FAF1: variants seen among roughly 807,000 people sequenced by gnomAD.
FAF1 encodes the protein Fas associated factor 1, also known as FAS-associated factor 1.
Under a neutral mutation model 92.5 loss-of-function variants are expected in FAF1, and 25 were observed. That is an observed-to-expected ratio of 0.27 (90% CI 0.20 to 0.38). The LOEUF is 0.38. Ranked by LOEUF, FAF1 falls within the 10% of genes least tolerant of loss-of-function variation. The pLI, the probability that FAF1 is intolerant of heterozygous loss-of-function variation, is 1.00. For synonymous variants in FAF1, 234 were observed against 273.2 expected (o/e 0.86, Z 1.42); for missense variants, 636 against 793.3 (o/e 0.80, Z 2.38).
intron 3 of FAF1, among the ~76,000 whole-genome samples, chr1:50,797,594 G>C (rs549478468): frequency 7.2e-5 from 11 of 152,136 alleles, no homozygotes; most frequent in Non-Finnish European, 1.2e-4. Context: ...AGCTACTCAG[G>C]GGGCTGAGGT....
chr1:50,465,100 T>C (rs1646478349), intron 18 of FAF1, among the ~76,000 whole-genome samples: 1 of 152,110 alleles, frequency 6.6e-6, no homozygotes, highest in South Asian at 2.1e-4. Context: ...CAGTGAGATA[T>C]AACAGAAAGA....
At chr1:50,701,378 T>C (rs1449586859) in intron 7 of FAF1, among the ~76,000 whole-genome samples, 1 of 148,974 alleles carries the variant, frequency 6.7e-6, no homozygotes, top group Non-Finnish European at 1.5e-5. Context: ...ACCCTCCCCA[T>C]ACTGGAAAAC....
intron 7 of FAF1, among the ~76,000 whole-genome samples, chr1:50,697,878 A>C (rs1420500434): frequency 6.6e-6 from 1 of 152,186 alleles, no homozygotes; most frequent in Non-Finnish European, 1.5e-5. Flanking sequence ...AGGATTTTTT[A>C]AAAGAATATT....
chr1:50,448,899 C>T (rs1646259901), intron 18 of FAF1, among the ~76,000 whole-genome samples: 1 of 146,012 alleles, frequency 6.8e-6, no homozygotes, highest in Non-Finnish European at 1.5e-5. Context: ...AAGTACTTAA[C>T]AATTAGGTTT....
At chr1:50,633,152 G>C (rs1193918467) in intron 8 of FAF1, among the ~76,000 whole-genome samples, 1 of 152,180 alleles carries the variant, frequency 6.6e-6, no homozygotes, top group Non-Finnish European at 1.5e-5. Context: ...GATAATTTCT[G>C]CACTTTGGAT....
intron 7 of FAF1, among the ~76,000 whole-genome samples, chr1:50,659,044 T>C (rs537028683): frequency 6.6e-6 from 1 of 152,040 alleles, no homozygotes; most frequent in East Asian, 1.9e-4. Context: ...GAAATCATAA[T>C]CCTGCAGGGA....
intron 13 of FAF1, among the ~76,000 whole-genome samples, chr1:50,548,450 G>C (rs1020731144): frequency 2.0e-5 from 3 of 152,106 alleles, no homozygotes; most frequent in Non-Finnish European, 4.4e-5. Context: ...TGCATGAATG[G>C]GCCAATTCAT....
chr1:50,545,668 A>T (rs552397337), intron 13 of FAF1, among the ~76,000 whole-genome samples: 1 of 152,360 alleles, frequency 6.6e-6, no homozygotes, highest in South Asian at 2.1e-4. Context: ...AGGTTACAGG[A>T]AAACCAGGAA....
At chr1:50,479,639 T>C (rs1353955144) in intron 17 of FAF1, among the ~76,000 whole-genome samples, 1 of 152,228 alleles carries the variant, frequency 6.6e-6, no homozygotes, top group African/African-American at 2.4e-5. Flanking sequence ...GTTTTGACAT[T>C]TCCCTGCATA....
intron 1 of FAF1, among the ~76,000 whole-genome samples, chr1:50,903,658 A>G (rs1376470807): frequency 6.6e-6 from 1 of 152,344 alleles, no homozygotes; most frequent in East Asian, 1.9e-4. Context: ...GAAGAAAGAT[A>G]AAAGAAAAAA....
chr1:50,725,880 A>G (rs1658627703), intron 6 of FAF1, among the ~76,000 whole-genome samples: 1 of 152,210 alleles, frequency 6.6e-6, no homozygotes, highest in Non-Finnish European at 1.5e-5. Flanking sequence ...ATGCAACTTC[A>G]CAACCCAGAG....
At chr1:50,849,410 T>C (rs1348102964) in intron 2 of FAF1, among the ~76,000 whole-genome samples, 1 of 152,208 alleles carries the variant, frequency 6.6e-6, no homozygotes, top group Admixed American at 6.5e-5. Flanking sequence ...CTGTAGTTCC[T>C]TTACATTTTT....
At chr1:50,912,767 G>A (rs999901871) in intron 1 of FAF1, among the ~76,000 whole-genome samples, 3 of 151,976 alleles carry the variant, frequency 2.0e-5, no homozygotes, top group South Asian at 2.1e-4. Flanking sequence ...GTCAAACAGC[G>A]GTTTAGTATT....
chr1:50,551,589 G>T (rs1299533888), intron 13 of FAF1, among the ~76,000 whole-genome samples: 1 of 152,152 alleles, frequency 6.6e-6, no homozygotes, highest in Admixed American at 6.5e-5. Flanking sequence ...GCGATGAATG[G>T]CAGGCAGCAT....
intron 6 of FAF1, among the ~76,000 whole-genome samples, chr1:50,720,845 C>T (rs1032805715): frequency 6.6e-6 from 1 of 152,138 alleles, no homozygotes; most frequent in Non-Finnish European, 1.5e-5. Flanking sequence ...AATAAGACAA[C>T]CTTTATTCAC....
intron 5 of FAF1, among the ~76,000 whole-genome samples, chr1:50,741,223 A>AGACAC (rs1659373432): frequency 6.6e-6 from 1 of 152,224 alleles, no homozygotes; most frequent in Non-Finnish European, 1.5e-5. Flanking sequence ...GATGAAAAAG[A>AGACAC]GACACCCATG....
intron 1 of FAF1, among the ~76,000 whole-genome samples, chr1:50,921,721 C>T (rs1644964569): frequency 6.6e-6 from 1 of 151,470 alleles, no homozygotes; most frequent in Non-Finnish European, 1.5e-5. Flanking sequence ...CAGAGGCATG[C>T]AGTAAGCCAA....
chr1:50,838,300 ATTGT>A (rs1226800900), intron 2 of FAF1, among the ~76,000 whole-genome samples: 2 of 151,924 alleles, frequency 1.3e-5, no homozygotes, highest in African/African-American at 4.8e-5. Flanking sequence ...AAAGCTCTGA[ATTGT>A]TTAACAAAAA....
At chr1:50,778,408 A>G (rs889182622) in intron 4 of FAF1, among the ~76,000 whole-genome samples, 6 of 152,112 alleles carry the variant, frequency 3.9e-5, no homozygotes, top group African/African-American at 1.4e-4. Flanking sequence ...AGGTTAGGGT[A>G]CCAATCCTTC....
Sources: gnomAD v4.1 joint callset for allele counts (sites outside exome capture counted in the v4.1 genomes callset) on GRCh38, gnomAD v4.1.1 for gene constraint, MANE v1.5 for transcripts, NCBI Gene and HGNC (gene_info 2026-07-23, HGNC 2026-07-21) for gene names.